The following SLC8A3 variants were observed in gnomAD, a reference collection of about 807,000 sequenced individuals.
SLC8A3 encodes the protein sodium/calcium exchanger 3.
SLC8A3 carries 37 observed loss-of-function variants against 65.4 expected under a neutral mutation model. The observed-to-expected ratio is 0.57, with a 90% CI of 0.44 to 0.74. SLC8A3 has a LOEUF of 0.74. Among genes scored for constraint, SLC8A3 ranks in the 30% least tolerant of loss-of-function variants. The pLI is 0.00. For missense variants in SLC8A3, 1,112 were observed against 1,172.1 expected, an observed-to-expected ratio of 0.95 and a Z score of 0.75; for synonymous variants, 461 against 444.5, an observed-to-expected ratio of 1.04 and a Z score of -0.47.
rs200576717 is a variant in SLC8A3 at position 70,168,289 on chromosome 14, T to C, written c.134A>G (p.Asn45Ser). The change falls in exon 2 of 7, where the codon AAT becomes AGT. Residue 45 changes from asparagine (N) to serine (S), a missense_variant. Coordinates refer to ENST00000356921, the MANE Select transcript of SLC8A3 (RefSeq NM_182932.3). The part of the protein sequence containing the change: ...SGDVPSTGQN[N>S]ESCSGSSDCK... ...GTCCGATGACCCTGAACAGGACTCATTGTTCTGCCCTGTGCTTGGCACGTC... is the reference window on the plus strand; with the variant it reads ...GTCCGATGACCCTGAACAGGACTCACTGTTCTGCCCTGTGCTTGGCACGTC... The C allele has an allele frequency of 1.2e-6, 2 of 1,614,124 alleles. No homozygotes were observed. The highest frequency in any genetic ancestry group is 1.1e-5 in the South Asian group (1 of 91,076).
chr14:70,127,558 G>A (rs560159013), intron 2 of SLC8A3, among the ~76,000 whole-genome samples: 1 of 151,946 alleles, frequency 6.6e-6, no homozygotes, highest in South Asian at 2.1e-4. Flanking sequence ...GCCTAACTGG[G>A]ACCAGCACCA....
intron 2 of SLC8A3, among the ~76,000 whole-genome samples, chr14:70,065,671 C>T (rs1295703916): frequency 1.3e-5 from 2 of 152,134 alleles, no homozygotes; most frequent in African/African-American, 2.4e-5. Flanking sequence ...GGTTTGTGTT[C>T]CCTATTAAAA....
chr14:70,101,971 T>C (rs570908131), intron 2 of SLC8A3, among the ~76,000 whole-genome samples: 23 of 152,232 alleles, frequency 1.5e-4, no homozygotes, highest in Non-Finnish European at 1.9e-4. Context: ...GAGGCTATAC[T>C]TGACGTTTAG....
chr14:70,106,083 A>T (rs1892852126), intron 2 of SLC8A3, among the ~76,000 whole-genome samples: 1 of 152,184 alleles, frequency 6.6e-6, no homozygotes, highest in Admixed American at 6.5e-5. Flanking sequence ...ACTGAATAAC[A>T]TACTGAAATA....
chr14:70,087,003 C>T (rs769301625), intron 2 of SLC8A3, among the ~76,000 whole-genome samples: 3 of 152,176 alleles, frequency 2.0e-5, no homozygotes, highest in Non-Finnish European at 4.4e-5. Flanking sequence ...TTCCAAAGGC[C>T]CTGATCGACT....
chr14:70,054,963 T>C (rs111961298), intron 3 of SLC8A3, among the ~76,000 whole-genome samples: 77 of 152,204 alleles, frequency 5.1e-4, no homozygotes, highest in Non-Finnish European at 8.4e-4. Context: ...GAAACTGTCT[T>C]GTGTAGGCCA....
chr14:70,070,517 T>C (rs1417160769), intron 2 of SLC8A3, among the ~76,000 whole-genome samples: 1 of 152,138 alleles, frequency 6.6e-6, no homozygotes, highest in Non-Finnish European at 1.5e-5. Flanking sequence ...TAACTATTGA[T>C]TTGTGGATCC....
intron 2 of SLC8A3, among the ~76,000 whole-genome samples, chr14:70,165,856 A>G (rs1897134021): frequency 6.6e-6 from 1 of 152,184 alleles, no homozygotes; most frequent in Non-Finnish European, 1.5e-5. Flanking sequence ...CACAGAAGAT[A>G]TATTTCCTCC....
intron 1 of SLC8A3, among the ~76,000 whole-genome samples, chr14:70,172,401 C>T (rs1242211440): frequency 6.6e-6 from 1 of 152,092 alleles, no homozygotes; most frequent in African/African-American, 2.4e-5. Context: ...ATGGTTTTAA[C>T]CACCCTATTT....
At chr14:70,075,377 T>G (rs1244014304) in intron 2 of SLC8A3, among the ~76,000 whole-genome samples, 1 of 152,154 alleles carries the variant, frequency 6.6e-6, no homozygotes, top group Non-Finnish European at 1.5e-5. Flanking sequence ...AGGTTTGCCA[T>G]AGGCCGCGTA....
chr14:70,066,673 T>C (rs1447981273), intron 2 of SLC8A3, among the ~76,000 whole-genome samples: 1 of 152,120 alleles, frequency 6.6e-6, no homozygotes, highest in African/African-American at 2.4e-5. Flanking sequence ...TAGCCAGCCA[T>C]GGTGGTGCAT....
At chr14:70,072,528 A>G (rs932584362) in intron 2 of SLC8A3, among the ~76,000 whole-genome samples, 1 of 152,104 alleles carries the variant, frequency 6.6e-6, no homozygotes. Context: ...CCTTTCTTAC[A>G]GAATAAAGAC....
chr14:70,161,223 G>GAGCTTGCA (rs1896868882), intron 2 of SLC8A3, among the ~76,000 whole-genome samples: 1 of 130,624 alleles, frequency 7.7e-6, no homozygotes, highest in Non-Finnish European at 1.6e-5. Flanking sequence ...CCGGGAGGCA[G>GAGCTTGCA]AGCTTGCAGT....
At chr14:70,109,856 G>A (rs1398784457) in intron 2 of SLC8A3, among the ~76,000 whole-genome samples, 1 of 152,026 alleles carries the variant, frequency 6.6e-6, no homozygotes, top group South Asian at 2.1e-4. Flanking sequence ...TAATATCATG[G>A]ACAAATAAAT....
intron 2 of SLC8A3, among the ~76,000 whole-genome samples, chr14:70,146,054 C>T (rs930828898): frequency 1.3e-5 from 2 of 152,170 alleles, no homozygotes; most frequent in African/African-American, 4.8e-5. Context: ...CAGGAGCACT[C>T]TGGGTGAGCT....
intron 1 of SLC8A3, among the ~76,000 whole-genome samples, chr14:70,177,660 G>T (rs1897989730): frequency 1.3e-5 from 2 of 152,232 alleles, no homozygotes; most frequent in Non-Finnish European, 2.9e-5. Context: ...CCAGAAGGAT[G>T]AGCAGTATGG....
intron 2 of SLC8A3, among the ~76,000 whole-genome samples, chr14:70,123,534 C>T (rs1251691989): frequency 6.6e-6 from 1 of 151,238 alleles, no homozygotes; most frequent in Non-Finnish European, 1.5e-5. Context: ...ACTGCAACCT[C>T]CACCTCCTGG....
chr14:70,052,798 C>T (rs1040465405), intron 3 of SLC8A3, among the ~76,000 whole-genome samples: 1 of 152,308 alleles, frequency 6.6e-6, no homozygotes, highest in African/African-American at 2.4e-5. Flanking sequence ...CACATTCTCA[C>T]ATGCAATTAT....
At chr14:70,096,516 A>G (rs1275583710) in intron 2 of SLC8A3, among the ~76,000 whole-genome samples, 1 of 152,144 alleles carries the variant, frequency 6.6e-6, no homozygotes, top group Non-Finnish European at 1.5e-5. Flanking sequence ...GGCAATATAG[A>G]TTGGTGATTA....
Sources: gnomAD v4.1 joint callset for allele counts (sites outside exome capture counted in the v4.1 genomes callset) on GRCh38, gnomAD v4.1.1 for gene constraint, MANE v1.5 for transcripts, NCBI Gene and HGNC (gene_info 2026-07-23, HGNC 2026-07-21) for gene names.